Variants in KCNIP2 observed in about 807,000 individuals in gnomAD.
The protein encoded by KCNIP2 is A-type potassium channel modulatory protein KCNIP2.
A neutral mutation model predicts 39.0 loss-of-function variants in KCNIP2; 19 were observed. That is an observed-to-expected ratio of 0.49 (90% CI 0.34 to 0.71). The LOEUF (loss-of-function observed/expected upper bound fraction) is 0.71. KCNIP2 is among the 30% of genes least tolerant of loss of function. The pLI is 0.01. For missense variants in KCNIP2, 261 were observed against 346.0 expected, an observed-to-expected ratio of 0.75 and a Z score of 1.95; for synonymous variants, 111 against 131.2, an observed-to-expected ratio of 0.85 and a Z score of 1.05.
In KCNIP2 at chr10:101,830,398, G is replaced by A. The variant is rs557821167; in HGVS notation, c.170-501C>T. On this transcript the variant is annotated intron_variant, in intron 2 of 9. Transcript: ENST00000356640. ...TCCAAAACACGGTGGGGAAGGGGGC[G>A]GCCGCACGGAGTTGAAGACACTAAC... 9.6e-5 allele frequency: 123 copies of A among 1,284,388 alleles called. No homozygotes were observed. In the South Asian group the frequency reaches 1.6e-3, roughly 16 times the overall value. 79.6% of individuals were successfully genotyped at this position (1,284,388 alleles called of 1,614,324 possible).
rs374352071 is a variant in KCNIP2 at position 101,836,700 on chromosome 10, T to C, written c.74-5533A>G. Among the ~76,000 whole-genome samples the C allele has an allele frequency of 2.5e-3, 385 of 152,192 alleles. 2 individuals are homozygous for C. The highest frequency in any genetic ancestry group is 8.9e-3 in the African/African-American group (371 of 41,530). On this transcript the variant is annotated intron_variant, in intron 1 of 9. Coordinates refer to ENST00000356640, the MANE Select transcript of KCNIP2 (RefSeq NM_173191.3). ...AGCCTGGGCTGGGCAAGGTGGCTCATGCCTGTAATCCCAGCACTCTGGGAG... is the reference window on the plus strand; with the variant it reads ...AGCCTGGGCTGGGCAAGGTGGCTCACGCCTGTAATCCCAGCACTCTGGGAG...
chr10:101,829,073 A>G lies in KCNIP2; in HGVS notation c.348+2T>C. 2 of 1,613,474 alleles carry G rather than the reference A, an allele frequency of 1.2e-6. No homozygotes were observed. Among genetic ancestry groups the G allele is most frequent in the Non-Finnish European group, 8.5e-7 (1 of 1,179,606 alleles). On this transcript the variant is annotated splice_donor_variant, in intron 4 of 9. Coordinates refer to ENST00000356640, the MANE Select transcript of KCNIP2 (RefSeq NM_173191.3). LOFTEE classifies it high-confidence loss of function. ...CTGAGTTTGGCCTCGCCTTGCACTC[A>G]CGTTCTTGAAGCCCCGGTACAGGAC...
intron 1 of KCNIP2, chr10:101,839,707 T>A (rs760912703): frequency 1.3e-6 from 2 of 1,580,984 alleles, no homozygotes; most frequent in South Asian, 2.2e-5. Context: ...CCCACTTCGC[T>A]CACTTTTTGA....
rs747848743 is a variant in KCNIP2, at chr10:101,829,148, C to G, written c.275G>C (p.Gly92Ala). Residue 92 changes from glycine to alanine, a missense_variant, in exon 4 of 10, where the codon GGT becomes GCT. Gly to Ala is a moderately conservative substitution (Grantham distance 60). Transcript: ENST00000356640. ...GGTTTGCTCCTGCAGCTGCTCCAGACCCTCAGGCCGGTGACACACGGTGGA... is the reference window on the plus strand; with the variant it reads ...GGTTTGCTCCTGCAGCTGCTCCAGAGCCTCAGGCCGGTGACACACGGTGGA... The part of the protein sequence containing the change: ...ELSTVCHRPE[G>A]LEQLQEQTKF... 1.2e-6 allele frequency: 2 copies of G among 1,614,224 alleles called. No homozygotes were observed. Among genetic ancestry groups the G allele is most frequent in the Admixed American group, 3.3e-5 (2 of 60,030 alleles).
chr10:101,839,324 T>C (rs538043691), intron 1 of KCNIP2, among the ~76,000 whole-genome samples: 17 of 151,628 alleles, frequency 1.1e-4, no homozygotes, highest in Non-Finnish European at 2.4e-4. Flanking sequence ...CATCTCAGGG[T>C]TTTTTCCTTC....
At position 101,827,920 on chromosome 10, in the gene KCNIP2, G is replaced by A. The variant is rs776074231; in HGVS notation, c.671C>T (p.Ala224Val). The change falls in exon 8 of 10, where the codon GCC (alanine) becomes GTC (valine). Residue 224 changes from alanine to valine, a missense_variant. By Grantham distance (64) the Ala-to-Val change is moderately conservative (BLOSUM62 0). Transcript: ENST00000356640. ...KYTYPALREE[A>V]PREHVESFFQ... Reference sequence around the variant, plus strand: ...GAAGCTCTCCACGTGTTCCCTTGGGGCCTCCTCCCGGAGTGCAGGGTACGT... The same window carrying A: ...GAAGCTCTCCACGTGTTCCCTTGGGACCTCCTCCCGGAGTGCAGGGTACGT... 4 of 1,613,930 alleles carry A rather than the reference G, an allele frequency of 2.5e-6. No homozygotes were observed. Among genetic ancestry groups the A allele is most frequent in the Non-Finnish European group, 3.4e-6 (4 of 1,179,838 alleles).
chr10:101,828,725 CAG>C lies in KCNIP2; in HGVS notation c.349-31_349-30del. On this transcript the variant is annotated intron_variant, in intron 4 of 9. Transcript: ENST00000356640. This position sits in a 1 kb window ranked among gnomAD's most constrained non-coding sequence, Gnocchi z 6.6. ...GAAGGAGAGGGCACCAGGCTGAGGG[CAG>C]AGACAAAATCCCCTTCCGTTCACCG... 1 of 1,614,092 alleles carries C rather than the reference CAG, an allele frequency of 6.2e-7. No individual in the cohort carries two copies. Among genetic ancestry groups the C allele is most frequent in the Non-Finnish European group, 8.5e-7 (1 of 1,179,974 alleles).
rs2066386809 is a variant in KCNIP2, at chr10:101,843,311, TCCTCCCCAACC to T, written c.73+174_73+184del. 1.3e-5 allele frequency among the ~76,000 whole-genome samples: 2 copies of T among 152,204 alleles called. No homozygotes were observed. Among genetic ancestry groups the T allele is most frequent in the African/African-American group, 4.8e-5 (2 of 41,524 alleles). ...GCCTCTCCACACCTGCCTCTTCTGT[TCCTCCCCAACC>T]CCTGCGGGACCCAAGGCTTTGAACC... On this transcript the variant is annotated intron_variant, in intron 1 of 9. Coordinates refer to ENST00000356640, the MANE Select transcript of KCNIP2 (RefSeq NM_173191.3). This position sits in a 1 kb window ranked among gnomAD's most constrained non-coding sequence, Gnocchi z 6.7.
chr10:101,832,663 C>T (rs2066034882), intron 1 of KCNIP2, among the ~76,000 whole-genome samples: 1 of 152,118 alleles, frequency 6.6e-6, no homozygotes, highest in African/African-American at 2.4e-5. Context: ...GGCCTCTGGC[C>T]CAGGGCTCCA....
intron 1 of KCNIP2, chr10:101,839,651 A>C: frequency 9.5e-7 from 1 of 1,050,312 alleles, no homozygotes; most frequent in Non-Finnish European, 1.5e-6. Flanking sequence ...TGCTCCCTCC[A>C]TCTATTTGAG....
chr10:101,834,365 T>G lies in KCNIP2; in HGVS notation c.74-3198A>C, dbSNP rs1462918219. 1.3e-5 allele frequency: 5 copies of G among 398,900 alleles called. No homozygotes were observed. In the Admixed American group the frequency reaches 2.2e-4, roughly 18 times the overall value. 24.7% of individuals were successfully genotyped at this position (398,900 alleles called of 1,614,324 possible). A position where few individuals can be genotyped will look rare whatever the true frequency, so the allele number is the denominator to read the frequency against. ...AGCAACCATCTCCAGCCCTTCCAGGTTCATGGTGGGCCTGGGGCATGGCCC... is the reference window on the plus strand; with the variant it reads ...AGCAACCATCTCCAGCCCTTCCAGGGTCATGGTGGGCCTGGGGCATGGCCC... On this transcript the variant is annotated intron_variant, in intron 1 of 9. Coordinates refer to ENST00000356640, the MANE Select transcript of KCNIP2 (RefSeq NM_173191.3).
In KCNIP2 at chr10:101,827,333, C is replaced by T. The variant is rs374733894; in HGVS notation, c.*20G>A. The T allele has an allele frequency of 3.1e-6, 5 of 1,592,888 alleles. No individual in the cohort carries two copies. In the African/African-American group the frequency reaches 6.7e-5, roughly 21 times the overall value. On this transcript the variant is annotated 3_prime_UTR_variant, in exon 10 of 10. Coordinates refer to ENST00000356640, the MANE Select transcript of KCNIP2 (RefSeq NM_173191.3). ...TAGAGCATGGTCCCCCCAGGAAACA[C>T]TGACCCCCTCTCCTGGGGGCTAGAT...
chr10:101,829,312 C>T (rs540820478), intron 3 of KCNIP2, 113 bp from the exon 4 acceptor site: 1 of 1,340,620 alleles, frequency 7.5e-7, no homozygotes, highest in Admixed American at 2.7e-5. Flanking sequence ...ATGCCGGAGA[C>T]CAGGCTGCCA....
intron 1 of KCNIP2, 55 bp from the exon 2 acceptor site, chr10:101,831,222 C>G: frequency 7.7e-7 from 1 of 1,292,636 alleles, no homozygotes; most frequent in East Asian, 2.5e-5. Flanking sequence ...TCCCTCTGTT[C>G]CCTGTCCCCT....
chr10:101,839,454 C>T (rs2066253935), intron 1 of KCNIP2, among the ~76,000 whole-genome samples: 1 of 152,194 alleles, frequency 6.6e-6, no homozygotes, highest in South Asian at 2.1e-4. Context: ...CCCTGCCCCT[C>T]AGTTAAGGCC....
rs80018696 is a variant in KCNIP2, at chr10:101,833,942, C to T, written c.74-2775G>A. 4.0e-3 allele frequency among the ~76,000 whole-genome samples: 614 copies of T among 152,158 alleles called. 3 individuals carry two copies. The highest frequency in any genetic ancestry group is 0.01 in the Middle Eastern group (3 of 294). ...TACTCTAGACACTCCTTCCCTATCT[C>T]CAGACCCCTCCTGGTATCGCCCAGA... is the stretch of plus-strand genomic sequence containing the variant. On this transcript the variant is annotated intron_variant, in intron 1 of 9. Transcript: ENST00000356640.
intron 2 of KCNIP2, chr10:101,830,350 G>T (rs2065924370): frequency 2.5e-6 from 3 of 1,217,370 alleles, no homozygotes; most frequent in Non-Finnish European, 3.2e-6. Flanking sequence ...TCCTGTCGGG[G>T]CATAGGCAAC....
chr10:101,840,568 T>G (rs1367841020), intron 1 of KCNIP2, among the ~76,000 whole-genome samples: 1 of 47,930 alleles, frequency 2.1e-5, no homozygotes. Flanking sequence ...CCCACTTCGG[T>G]CCCGCTGCGC....
chr10:101,834,363 G>A, intron 1 of KCNIP2: 1 of 399,248 alleles, frequency 2.5e-6, no homozygotes, highest in Non-Finnish European at 4.4e-6. Context: ...AGCCCTTCCA[G>A]GTTCATGGTG....
Sources: allele counts gnomAD v4.1 joint callset (sites outside exome capture counted in the v4.1 genomes callset), GRCh38; gene constraint gnomAD v4.1.1; non-coding constraint Gnocchi (gnomAD v3.1); transcripts MANE v1.5; gene names NCBI Gene and HGNC (gene_info 2026-07-23, HGNC 2026-07-21).